SOBP: variants seen among roughly 807,000 people sequenced by gnomAD.
SOBP encodes the protein sine oculis-binding protein homolog.
A neutral mutation model predicts 53.6 loss-of-function variants in SOBP; 4 were observed. The observed-to-expected ratio is 0.07, with a 90% CI of 0.04 to 0.17. SOBP has a LOEUF of 0.17. SOBP is among the 10% of genes least tolerant of loss of function. The probability of loss-of-function intolerance (pLI) is 1.00; values close to 1 mark genes in which losing one functional copy is unlikely to be tolerated. For missense variants in SOBP, 1,088 were observed against 1,204.7 expected (o/e 0.90, Z 1.43); for synonymous variants, 584 against 522.6 (o/e 1.12, Z -1.60).
intron 1 of SOBP, among the ~76,000 whole-genome samples, chr6:107,494,025 T>A (rs1195514659): frequency 6.6e-6 from 1 of 152,228 alleles, no homozygotes; most frequent in African/African-American, 2.4e-5. Flanking sequence ...TCCCTGAAAA[T>A]ATCTTCATGT....
intron 4 of SOBP, among the ~76,000 whole-genome samples, chr6:107,564,193 C>A (rs1365334121): frequency 1.3e-5 from 2 of 152,052 alleles, no homozygotes; most frequent in Non-Finnish European, 2.9e-5. Context: ...GGCTGCCCAC[C>A]AAGTAGCAGA....
chr6:107,621,713 T>C (rs1770187001), intron 5 of SOBP, among the ~76,000 whole-genome samples: 1 of 152,186 alleles, frequency 6.6e-6, no homozygotes. Flanking sequence ...AGGGATTCCA[T>C]TGGTAACTCT....
chr6:107,533,271 CAAAAAAAAAAAAA>C (rs762864049), intron 3 of SOBP, among the ~76,000 whole-genome samples, 175 bp from the exon 4 acceptor site: 6 of 32,812 alleles, frequency 1.8e-4, no homozygotes, highest in African/African-American at 2.9e-4. Flanking sequence ...ACTTAGGAGC[CAAAAAAAAAAAAA>C]AAAAAAAAAA....
intron 6 of SOBP, among the ~76,000 whole-genome samples, chr6:107,647,279 T>G (rs989034601): frequency 6.6e-6 from 1 of 152,180 alleles, no homozygotes; most frequent in Non-Finnish European, 1.5e-5. Context: ...AGACTGAGGC[T>G]TGGAGAGGTT....
At chr6:107,571,655 C>T (rs766109330) in intron 4 of SOBP, among the ~76,000 whole-genome samples, 1 of 152,300 alleles carries the variant, frequency 6.6e-6, no homozygotes, top group Admixed American at 6.5e-5. Context: ...TGTCTGTGAG[C>T]AGAGGAAGAG....
intron 5 of SOBP, among the ~76,000 whole-genome samples, chr6:107,615,115 C>T (rs915991467): frequency 2.0e-5 from 3 of 152,118 alleles, no homozygotes; most frequent in African/African-American, 7.2e-5. Flanking sequence ...CTGGAGCCTG[C>T]GGCACCCATG....
intron 5 of SOBP, among the ~76,000 whole-genome samples, chr6:107,603,735 G>T (rs1370414079): frequency 6.6e-6 from 1 of 152,154 alleles, no homozygotes; most frequent in East Asian, 1.9e-4. Flanking sequence ...ATACCATGAG[G>T]TCTCATCATA....
chr6:107,573,283 C>A (rs1410105468), intron 4 of SOBP, among the ~76,000 whole-genome samples: 1 of 151,560 alleles, frequency 6.6e-6, no homozygotes, highest in Non-Finnish European at 1.5e-5. Flanking sequence ...TAGTTGCATG[C>A]AATTTAATTT....
At chr6:107,506,666 A>G (rs1783003367) in intron 3 of SOBP, among the ~76,000 whole-genome samples, 1 of 152,206 alleles carries the variant, frequency 6.6e-6, no homozygotes, top group African/African-American at 2.4e-5. Context: ...TCTACCACTG[A>G]CTACAAAACA....
intron 3 of SOBP, among the ~76,000 whole-genome samples, chr6:107,528,092 C>T (rs763439315): frequency 2.6e-5 from 4 of 152,190 alleles, no homozygotes; most frequent in Non-Finnish European, 5.9e-5. Context: ...AGCCCTTCTT[C>T]CCATTCCTTG....
chr6:107,529,714 A>C, intron 3 of SOBP: 25 of 647,086 alleles, frequency 3.9e-5, no homozygotes, highest in Non-Finnish European at 4.8e-5. Flanking sequence ...GCAATTTCTC[A>C]AACAACTTCA....
intron 4 of SOBP, among the ~76,000 whole-genome samples, chr6:107,546,726 AC>A (rs778409705): frequency 1.3e-5 from 2 of 151,640 alleles, no homozygotes; most frequent in African/African-American, 2.4e-5. Context: ...AAACAAACAA[AC>A]AAAAAACAGT....
At chr6:107,493,954 G>T (rs375297623) in intron 1 of SOBP, among the ~76,000 whole-genome samples, 152 of 152,286 alleles carry the variant, frequency 1.0e-3, no homozygotes, top group Admixed American at 1.6e-3. Context: ...ATTTAAATTT[G>T]ATACAATATA....
rs1393469604 is a variant in SOBP at position 107,635,081 on chromosome 6, C to G, written c.2237C>G (p.Pro746Arg). Residue 746 changes from proline (P) to arginine (R), a missense_variant, in exon 6 of 7, where the codon CCG becomes CGG. By Grantham distance (103) the Pro-to-Arg change is moderately radical. Coordinates refer to ENST00000317357, the MANE Select transcript of SOBP (RefSeq NM_018013.4). The surrounding 1 kb of genome is among the most constrained non-coding windows in gnomAD (Gnocchi z 4.5). The stretch of plus-strand genomic sequence containing the variant: ...GCGGAGCCGCCTCCCGAGCAGCCGC[C>G]GCCGCCGCCGCCGCCCGCGCCCCCC... ...KSAEPPPEQP[P>R]PPPPPAPPKK... The G allele has an allele frequency of 6.4e-7, 1 of 1,570,944 alleles. No individual in the cohort carries two copies. Among genetic ancestry groups the G allele is most frequent in the Non-Finnish European group, 8.6e-7 (1 of 1,157,950 alleles).
chr6:107,491,158 G>T (rs529537143), intron 1 of SOBP, among the ~76,000 whole-genome samples: 2 of 152,104 alleles, frequency 1.3e-5, no homozygotes, highest in South Asian at 4.1e-4. Context: ...TCACCCTCCT[G>T]CTCCTCAATC....
At chr6:107,531,486 G>T (rs1783823148) in intron 3 of SOBP, among the ~76,000 whole-genome samples, 2 of 152,060 alleles carry the variant, frequency 1.3e-5, no homozygotes, top group African/African-American at 4.8e-5. Flanking sequence ...TCTAATCTAA[G>T]AAAACTGCTC....
chr6:107,558,751 G>A (rs2115021963), intron 4 of SOBP, among the ~76,000 whole-genome samples: 1 of 151,608 alleles, frequency 6.6e-6, no homozygotes, highest in East Asian at 1.9e-4. Flanking sequence ...TTTAGTTCCG[G>A]TATGTTAATT....
chr6:107,542,799 C>T (rs1046072396), intron 4 of SOBP, among the ~76,000 whole-genome samples: 2 of 151,452 alleles, frequency 1.3e-5, no homozygotes, highest in African/African-American at 2.4e-5. Context: ...GGAGGAAAGG[C>T]ACCAGGGAGG....
At chr6:107,509,696 C>T (rs1346829937) in intron 3 of SOBP, 1 of 152,206 alleles carries the variant, frequency 6.6e-6, no homozygotes, top group African/African-American at 2.4e-5. Context: ...TCCTATTTAA[C>T]TCTAATTCCA....
Sources: allele counts gnomAD v4.1 joint callset (sites outside exome capture counted in the v4.1 genomes callset), GRCh38; gene constraint gnomAD v4.1.1; non-coding constraint Gnocchi (gnomAD v3.1); transcripts MANE v1.5; gene names NCBI Gene and HGNC (gene_info 2026-07-23, HGNC 2026-07-21).